Variants in LCLAT1 observed in about 807,000 individuals in gnomAD.
LCLAT1 encodes the protein 1-AGP acyltransferase 8.
Under a neutral mutation model 30.7 loss-of-function variants are expected in LCLAT1, and 11 were observed. The ratio of observed to expected loss-of-function variants is 0.36; its 90% CI spans 0.23 to 0.59. The LOEUF is 0.59. Among genes scored for constraint, LCLAT1 ranks in the 20% least tolerant of loss-of-function variants. The pLI, the probability that LCLAT1 is intolerant of heterozygous loss-of-function variation, is 0.77. For missense variants in LCLAT1, 402 were observed against 458.6 expected, an observed-to-expected ratio of 0.88 and a Z score of 1.13; for synonymous variants, 155 against 151.3, an observed-to-expected ratio of 1.02 and a Z score of -0.18.
chr2:30,575,595 C>T (rs1665961844), intron 5 of LCLAT1, among the ~76,000 whole-genome samples: 1 of 152,100 alleles, frequency 6.6e-6, no homozygotes, highest in Admixed American at 6.6e-5. Flanking sequence ...CAGGTAATAA[C>T]TATCTTAAGA....
intron 5 of LCLAT1, among the ~76,000 whole-genome samples, chr2:30,599,237 C>T (rs145250988): frequency 3.2e-4 from 49 of 152,286 alleles, no homozygotes; most frequent in African/African-American, 1.1e-3. Flanking sequence ...CCACCTCAGC[C>T]TCCTAAAGTG....
At chr2:30,562,831 T>G (rs1228651064) in intron 4 of LCLAT1, among the ~76,000 whole-genome samples, 1 of 152,214 alleles carries the variant, frequency 6.6e-6, no homozygotes, top group East Asian at 1.9e-4. Context: ...AGACCCTTCC[T>G]ACTCCTCAGC....
At chr2:30,591,787 C>T (rs1300522700) in intron 5 of LCLAT1, among the ~76,000 whole-genome samples, 2 of 152,138 alleles carry the variant, frequency 1.3e-5, no homozygotes, top group Non-Finnish European at 2.9e-5. Flanking sequence ...CTTTGCTTAT[C>T]CCTTTGCCTC....
chr2:30,498,871 C>A (rs1181079085), intron 1 of LCLAT1, among the ~76,000 whole-genome samples: 1 of 152,144 alleles, frequency 6.6e-6, no homozygotes, highest in African/African-American at 2.4e-5. Flanking sequence ...ACTGGAGAGA[C>A]CAGACTGAGA....
chr2:30,476,596 G>T, intron 1 of LCLAT1: 2 of 448,670 alleles, frequency 4.5e-6, no homozygotes, highest in East Asian at 1.4e-4. Context: ...TCTAGTCTCA[G>T]GAAAACAAGC....
chr2:30,522,626 TA>T (rs945259383), intron 1 of LCLAT1, among the ~76,000 whole-genome samples: 3 of 152,228 alleles, frequency 2.0e-5, no homozygotes, highest in African/African-American at 7.2e-5. Context: ...GTAATTGGGA[TA>T]TCTTTGTATG....
intron 1 of LCLAT1, among the ~76,000 whole-genome samples, chr2:30,512,286 A>G (rs711242): frequency 0.58 from 88,800 of 152,034 alleles, 27,185 homozygotes; most frequent in Non-Finnish European, 0.68. Context: ...TATAATGTAT[A>G]TATAAAAGGT....
At chr2:30,637,475 C>A (rs967253056) in intron 5 of LCLAT1, among the ~76,000 whole-genome samples, 6 of 152,124 alleles carry the variant, frequency 3.9e-5, no homozygotes, top group Non-Finnish European at 5.9e-5. Context: ...CCCACTGTAG[C>A]ATACAAGGCA....
At chr2:30,605,551 T>G (rs966318066) in intron 5 of LCLAT1, among the ~76,000 whole-genome samples, 4 of 152,186 alleles carry the variant, frequency 2.6e-5, no homozygotes, top group African/African-American at 9.6e-5. Flanking sequence ...GTTCAAACAT[T>G]TAGATATGTA....
At chr2:30,562,107 T>A (rs774052270) in intron 3 of LCLAT1, 39 bp from the exon 4 acceptor site, 2 of 1,519,306 alleles carry the variant, frequency 1.3e-6, no homozygotes, top group Non-Finnish European at 1.8e-6. Context: ...ATATTGGCAA[T>A]AAAATTATAG....
chr2:30,581,029 G>A (rs1476062736), intron 5 of LCLAT1, among the ~76,000 whole-genome samples: 2 of 152,120 alleles, frequency 1.3e-5, no homozygotes, highest in Non-Finnish European at 2.9e-5. Flanking sequence ...CAGAGGTTAG[G>A]TAATCTGATG....
intron 5 of LCLAT1, among the ~76,000 whole-genome samples, chr2:30,602,906 T>G (rs142809442): frequency 6.6e-6 from 1 of 152,164 alleles, no homozygotes; most frequent in African/African-American, 2.4e-5. Flanking sequence ...ATGGGGATTG[T>G]ACAACTTTCT....
At chr2:30,526,933 A>T (rs533251176) in intron 2 of LCLAT1, among the ~76,000 whole-genome samples, 3 of 152,306 alleles carry the variant, frequency 2.0e-5, no homozygotes, top group Non-Finnish European at 4.4e-5. Context: ...ATTAGCTTTA[A>T]AGATATGAAG....
intron 3 of LCLAT1, among the ~76,000 whole-genome samples, chr2:30,537,544 A>G (rs1337793872): frequency 6.7e-6 from 1 of 150,100 alleles, no homozygotes; most frequent in Non-Finnish European, 1.5e-5. Flanking sequence ...ACACACACAC[A>G]CGCACGCACA....
At chr2:30,507,439 T>C (rs932461301) in intron 1 of LCLAT1, among the ~76,000 whole-genome samples, 1 of 152,216 alleles carries the variant, frequency 6.6e-6, no homozygotes, top group Non-Finnish European at 1.5e-5. Context: ...TTAAGCCTAG[T>C]ACCTGTTAGT....
chr2:30,608,978 T>C (rs1465907338), intron 5 of LCLAT1, among the ~76,000 whole-genome samples: 6 of 152,168 alleles, frequency 3.9e-5, no homozygotes, highest in African/African-American at 9.6e-5. Context: ...CACTTGGTAT[T>C]ATCCAGCTTT....
intron 1 of LCLAT1, among the ~76,000 whole-genome samples, chr2:30,455,151 T>C (rs1247338296): frequency 6.6e-6 from 1 of 152,122 alleles, no homozygotes; most frequent in African/African-American, 2.4e-5. Flanking sequence ...TCTCTTTTTA[T>C]CTATACTTTC....
intron 5 of LCLAT1, among the ~76,000 whole-genome samples, chr2:30,621,811 A>T (rs1265675285): frequency 1.3e-5 from 2 of 152,042 alleles, no homozygotes; most frequent in Admixed American, 1.3e-4. Flanking sequence ...CTTGGGGAGG[A>T]CTGCCAGTGG....
chr2:30,626,424 A>G (rs1020059211), intron 5 of LCLAT1, among the ~76,000 whole-genome samples: 4 of 152,208 alleles, frequency 2.6e-5, no homozygotes, highest in South Asian at 4.1e-4. Flanking sequence ...ACACATGTAT[A>G]TATGTTGTAT....
Sources: gnomAD v4.1 joint callset for allele counts (sites outside exome capture counted in the v4.1 genomes callset) on GRCh38, gnomAD v4.1.1 for gene constraint, MANE v1.5 for transcripts, NCBI Gene and HGNC (gene_info 2026-07-23, HGNC 2026-07-21) for gene names.